GALNS: variants seen among roughly 807,000 people sequenced by gnomAD.
GALNS encodes galactosamine (N-acetyl)-6-sulfatase, also known as N-acetylgalactosamine-6-sulfatase.
A neutral mutation model predicts 65.9 loss-of-function variants in GALNS; 65 were observed. The ratio of observed to expected loss-of-function variants is 0.99; its 90% CI spans 0.81 to 1.21. The LOEUF (loss-of-function observed/expected upper bound fraction) is 1.21. GALNS is among the 50% of genes most tolerant of loss of function. The probability of loss-of-function intolerance (pLI) is 0.00; values close to 1 mark genes in which losing one functional copy is unlikely to be tolerated. For missense variants in GALNS, 776 were observed against 700.7 expected, an observed-to-expected ratio of 1.11 and a Z score of -1.21; for synonymous variants, 346 against 288.9, an observed-to-expected ratio of 1.20 and a Z score of -2.00.
In GALNS at chr16:88,856,940, T is replaced by C. The variant is rs986947493; in HGVS notation, c.-63A>G. 2.1e-6 allele frequency: 3 copies of C among 1,461,802 alleles called. No homozygotes were observed. In the Admixed American group the frequency reaches 7.7e-5, roughly 37 times the overall value. 90.6% of individuals were successfully genotyped at this position (1,461,802 alleles called of 1,614,324 possible). A position where few individuals can be genotyped will look rare whatever the true frequency, so the allele number is the denominator to read the frequency against. On this transcript the variant is annotated 5_prime_UTR_variant, in exon 1 of 14. Coordinates refer to ENST00000268695, the MANE Select transcript of GALNS (RefSeq NM_000512.5). ...CGACCTAGCGAGCGTCCGCCGGCCC[T>C]TCCGGCTGGGCTGCGGGGCGGGGCC... is the stretch of plus-strand genomic sequence containing the variant.
intron 1 of GALNS, among the ~76,000 whole-genome samples, chr16:88,852,862 G>A (rs1967572205): frequency 6.6e-6 from 1 of 152,222 alleles, no homozygotes; most frequent in Admixed American, 6.5e-5. Context: ...GGCTGAGGCA[G>A]GAAAATTGCT....
At position 88,814,181 on chromosome 16, in the gene GALNS, G is replaced by A; in HGVS notation, c.*258C>T. 2 of 572,794 alleles carry A rather than the reference G, an allele frequency of 3.5e-6. No homozygotes were observed. Among genetic ancestry groups the A allele is most frequent in the Middle Eastern group, 4.7e-4 (1 of 2,130 alleles). The allele number at this position is 572,794 out of a possible 1,614,324, so 35.5% of individuals were successfully genotyped here. ...TTGGGGTTCACAAAGGCGTGAGACG[G>A]CAGGGTCCTGAGGTCTGAGGCGCCG... On this transcript the variant is annotated 3_prime_UTR_variant, in exon 14 of 14. Transcript: ENST00000268695.
chr16:88,819,354 C>T (rs1019855859), intron 12 of GALNS, among the ~76,000 whole-genome samples: 4 of 152,240 alleles, frequency 2.6e-5, no homozygotes, highest in African/African-American at 9.6e-5. Context: ...CCAGCCTGGG[C>T]TTCACACAGC....
intron 2 of GALNS, 145 bp downstream of exon 2, chr16:88,842,561 G>T: frequency 2.0e-6 from 2 of 1,012,378 alleles, no homozygotes; most frequent in Non-Finnish European, 2.9e-6. Context: ...TGATGAGAAA[G>T]GCCTGAGCCC....
At chr16:88,830,470 C>G (rs1911384618) in intron 9 of GALNS, among the ~76,000 whole-genome samples, 1 of 148,342 alleles carries the variant, frequency 6.7e-6, no homozygotes, top group Non-Finnish European at 1.5e-5. Context: ...TGTGATGTTC[C>G]AGCTGCCACT....
intron 1 of GALNS, among the ~76,000 whole-genome samples, chr16:88,853,314 G>A (rs907588978): frequency 6.6e-6 from 1 of 150,854 alleles, no homozygotes; most frequent in Non-Finnish European, 1.5e-5. Context: ...CGTTCAGCGA[G>A]CACAGCTGTG....
At chr16:88,843,148 C>A in intron 1 of GALNS, 2 of 1,419,600 alleles carry the variant, frequency 1.4e-6, no homozygotes, top group Non-Finnish European at 1.9e-6. Context: ...CTCCTCCCAG[C>A]CTGACACCAG....
intron 11 of GALNS, 103 bp downstream of exon 11, chr16:88,824,660 TCCTG>T: frequency 1.1e-6 from 1 of 893,816 alleles, no homozygotes; most frequent in Non-Finnish European, 1.8e-6. Flanking sequence ...GGGGTGGAGT[TCCTG>T]CCTGTCTCAC....
intron 7 of GALNS, 142 bp downstream of exon 7, chr16:88,835,583 C>G (rs1912035645): frequency 7.3e-7 from 1 of 1,366,148 alleles, no homozygotes; most frequent in African/African-American, 1.4e-5. Flanking sequence ...GATCCCAGGC[C>G]AGTGGACGGC....
chr16:88,816,128 T>C (rs1417394370), intron 13 of GALNS: 3 of 983,116 alleles, frequency 3.1e-6, no homozygotes, highest in Non-Finnish European at 2.4e-6. Context: ...GAGTTGGCAC[T>C]TTTCCCCCTG....
chr16:88,837,125 G>A (rs1325167577), intron 5 of GALNS, among the ~76,000 whole-genome samples: 1 of 152,210 alleles, frequency 6.6e-6, no homozygotes, highest in East Asian at 1.9e-4. Flanking sequence ...CACAAAAGAT[G>A]AGGGTCCCGG....
At chr16:88,827,169 C>G in intron 9 of GALNS, 1 of 453,880 alleles carries the variant, frequency 2.2e-6, no homozygotes, top group South Asian at 2.2e-5. Flanking sequence ...CAGCCTCGCT[C>G]TAACACTGAA....
chr16:88,856,426 G>C, intron 1 of GALNS: 1 of 700,992 alleles, frequency 1.4e-6, no homozygotes, highest in South Asian at 1.5e-5. Context: ...GGGAGGCAGG[G>C]CCCGGTAGCA....
chr16:88,832,099 C>G lies in GALNS; in HGVS notation c.901G>C (p.Gly301Arg). 6.2e-7 allele frequency: 1 copy of G among 1,613,544 alleles called. No homozygotes were observed. The highest frequency in any genetic ancestry group is 1.1e-5 in the South Asian group (1 of 91,050). ...AALISAPEQGGSNGPFLCGKQ... is the reference protein window; with the variant it reads ...AALISAPEQGRSNGPFLCGKQ... ...CCACACAGAAAGGGGCCGTTGCTGCCACCTGGGAGAGAGGGGCCCTTGTCA... is the reference window on the plus strand; with the variant it reads ...CCACACAGAAAGGGGCCGTTGCTGCGACCTGGGAGAGAGGGGCCCTTGTCA... The change falls in exon 9 of 14, where the codon GGC becomes CGC. Residue 301 changes from glycine to arginine, a missense_variant and splice_region_variant. By Grantham distance (125) the Gly-to-Arg change is moderately radical. Coordinates refer to ENST00000268695, the MANE Select transcript of GALNS (RefSeq NM_000512.5).
intron 1 of GALNS, 23 bp downstream of exon 1, chr16:88,856,735 C>T (rs1967931901): frequency 1.4e-6 from 2 of 1,461,738 alleles, no homozygotes; most frequent in Non-Finnish European, 1.8e-6. Flanking sequence ...CCGGCCCTGC[C>T]CCGTCCCACC....
chr16:88,848,396 C>T (rs1458052504), intron 1 of GALNS, among the ~76,000 whole-genome samples: 1 of 152,026 alleles, frequency 6.6e-6, no homozygotes, highest in Admixed American at 6.5e-5. Context: ...TTTGGGAGGC[C>T]GAGGCAGGTG....
chr16:88,814,498 A>G lies in GALNS; in HGVS notation c.1510T>C (p.Leu504=), dbSNP rs767011365. 5.8e-6 allele frequency: 9 copies of G among 1,560,892 alleles called. No homozygotes were observed. The highest frequency in any genetic ancestry group is 6.9e-6 in the Non-Finnish European group (8 of 1,151,846). ...MNWAPPGCEK[L]GKCLTPPESI... ...TCTGGAGGTGTCAGACACTTCCCTA[A>G]CTTTTCACAGCCCGGAGGTGCCCAG... Residue 504 remains leucine, a synonymous_variant, in exon 14 of 14, where the codon TTA becomes CTA. Coordinates refer to ENST00000268695, the MANE Select transcript of GALNS (RefSeq NM_000512.5).
intron 1 of GALNS, among the ~76,000 whole-genome samples, chr16:88,848,715 GT>G (rs1278564926): frequency 5.3e-5 from 8 of 152,352 alleles, no homozygotes; most frequent in Non-Finnish European, 1.5e-5. Flanking sequence ...CGGGGCCTGT[GT>G]GAAGTGACAG....
At chr16:88,827,414 G>C (rs1911046409) in intron 9 of GALNS, among the ~76,000 whole-genome samples, 1 of 152,202 alleles carries the variant, frequency 6.6e-6, no homozygotes, top group African/African-American at 2.4e-5. Flanking sequence ...CGTGCCATCT[G>C]GCTTCCCTCA....
Sources: gnomAD v4.1 joint callset for allele counts (sites outside exome capture counted in the v4.1 genomes callset) on GRCh38, gnomAD v4.1.1 for gene constraint, MANE v1.5 for transcripts, NCBI Gene and HGNC (gene_info 2026-07-23, HGNC 2026-07-21) for gene names.